The following BLK variants were observed in gnomAD, a reference collection of about 807,000 sequenced individuals.
BLK encodes tyrosine-protein kinase Blk.
Under a neutral mutation model 61.8 loss-of-function variants are expected in BLK, and 64 were observed. The ratio of observed to expected loss-of-function variants is 1.03; its 90% CI spans 0.85 to 1.27. The LOEUF (loss-of-function observed/expected upper bound fraction) is 1.27, where lower values mean the gene tolerates loss of function less well. Among genes scored for constraint, BLK ranks in the 50% most tolerant of loss-of-function variants. BLK has a pLI of 0.00. For synonymous variants in BLK, 351 were observed against 272.0 expected (o/e 1.29, Z -2.86); for missense variants, 853 against 660.5 (o/e 1.29, Z -3.19).
At chr8:11,544,810 TA>T (rs1800549616) in intron 2 of BLK, among the ~76,000 whole-genome samples, 1 of 152,206 alleles carries the variant, frequency 6.6e-6, no homozygotes, top group South Asian at 2.1e-4. Flanking sequence ...TTGTGTTCAA[TA>T]AATATGGAAT....
rs754196779 is a variant in BLK, at chr8:11,555,344, G to C, written c.632G>C (p.Gly211Ala). The C allele has an allele frequency of 5.6e-6, 9 of 1,613,982 alleles. No homozygotes were observed. The highest frequency in any genetic ancestry group is 1.3e-5 in the African/African-American group (1 of 74,888). The stretch of plus-strand genomic sequence containing the variant: ...TTCCCTAATGCAGAGAAGGGGGATG[G>C]TCTATGCCAGAGGCTGACCCTGCCC... ...LVQHYSKKGD[G>A]LCQRLTLPCV... Residue 211 changes from glycine to alanine, a missense_variant, in exon 8 of 13, where the codon GGT becomes GCT. Transcript: ENST00000259089.
At chr8:11,558,127 A>G in intron 10 of BLK, 89 bp downstream of exon 10, 1 of 1,323,394 alleles carries the variant, frequency 7.6e-7, no homozygotes, top group African/African-American at 1.4e-5. Flanking sequence ...CCATCCTCTC[A>G]GCCAGCAGGA....
At chr8:11,507,977 T>C (rs2117272386) in intron 1 of BLK, among the ~76,000 whole-genome samples, 1 of 152,256 alleles carries the variant, frequency 6.6e-6, no homozygotes, top group South Asian at 2.1e-4. Context: ...GGTGGCTCTG[T>C]GTGGCACATC....
chr8:11,552,313 T>C (rs1800940976), intron 6 of BLK, among the ~76,000 whole-genome samples: 1 of 152,222 alleles, frequency 6.6e-6, no homozygotes. Context: ...AAGGGTGCAT[T>C]GGAAAGCTGG....
intron 10 of BLK, chr8:11,558,688 A>C (rs1801342968): frequency 2.2e-6 from 1 of 456,134 alleles, no homozygotes; most frequent in South Asian, 1.5e-5. Flanking sequence ...GGTGAAGAGC[A>C]GAGTGGAGAG....
chr8:11,518,618 G>C (rs1163369073), intron 1 of BLK, among the ~76,000 whole-genome samples: 1 of 152,032 alleles, frequency 6.6e-6, no homozygotes, highest in Admixed American at 6.6e-5. Flanking sequence ...CTCCCATCTA[G>C]TGTCCTGCTT....
intron 1 of BLK, among the ~76,000 whole-genome samples, chr8:11,534,336 A>G (rs1800021752): frequency 1.3e-5 from 2 of 152,242 alleles, no homozygotes; most frequent in Non-Finnish European, 2.9e-5. Flanking sequence ...ATTTTGGCAT[A>G]TTGCTAACAT....
In BLK at chr8:11,564,422, C is replaced by T. The variant is rs1432349155; in HGVS notation, c.*314C>T. On this transcript the variant is annotated 3_prime_UTR_variant, in exon 13 of 13. Transcript: ENST00000259089. The stretch of plus-strand genomic sequence containing the variant: ...GTAAGCGACTGTCATCAAGTAAGGC[C>T]CCCGTGCTGGGCACCCCCCGTGCTG... 1 of 600,456 alleles carries T rather than the reference C, an allele frequency of 1.7e-6. No individual in the cohort carries two copies. The highest frequency in any genetic ancestry group is 2.1e-5 in the Admixed American group (1 of 46,594). The allele number at this position is 600,456 out of a possible 1,614,324, so 37.2% of individuals were successfully genotyped here. A position where few individuals can be genotyped will look rare whatever the true frequency, so the allele number is the denominator to read the frequency against.
intron 10 of BLK, chr8:11,560,489 T>TAGA: frequency 8.1e-6 from 2 of 247,836 alleles, no homozygotes; most frequent in South Asian, 5.1e-5. Context: ...TAGTGCTGGC[T>TAGA]TCTTGAAGTC....
rs1373766684 is a variant in BLK, at chr8:11,564,328, T to C, written c.*220T>C. ...CGGCCTCTCTGTGCCGCTTCATTTGTAGAGGGCTGTAACAGTGACCTCGCA... is the reference window on the plus strand; with the variant it reads ...CGGCCTCTCTGTGCCGCTTCATTTGCAGAGGGCTGTAACAGTGACCTCGCA... On this transcript the variant is annotated 3_prime_UTR_variant, in exon 13 of 13. Coordinates refer to ENST00000259089, the MANE Select transcript of BLK (RefSeq NM_001715.3). 3 of 707,250 alleles carry C rather than the reference T, an allele frequency of 4.2e-6. No homozygotes were observed. The highest frequency in any genetic ancestry group is 5.4e-5 in the East Asian group (2 of 37,090). The allele number at this position is 707,250 out of a possible 1,614,324, so 43.8% of individuals were successfully genotyped here.
chr8:11,543,273 G>A lies in BLK; in HGVS notation c.49G>A (p.Glu17Lys). The stretch of plus-strand genomic sequence containing the variant: ...GCCGGACAAGGAAAAGCCGATCAAA[G>A]AGAAGGACAAGGGCCAATGGAGCCC... ...KKPDKEKPIK[E>K]KDKGQWSPLK... The change falls in exon 2 of 13, where the codon GAG (glutamate) becomes AAG (lysine). Residue 17 changes from glutamate to lysine, a missense_variant. By Grantham distance (56) the Glu-to-Lys change is moderately conservative (BLOSUM62 1). Coordinates refer to ENST00000259089, the MANE Select transcript of BLK (RefSeq NM_001715.3). The A allele has an allele frequency of 6.2e-7, 1 of 1,614,042 alleles. No individual in the cohort carries two copies. Among genetic ancestry groups the A allele is most frequent in the Non-Finnish European group, 8.5e-7 (1 of 1,180,022 alleles).
intron 1 of BLK, among the ~76,000 whole-genome samples, chr8:11,540,981 T>C (rs997417134): frequency 6.6e-6 from 1 of 152,030 alleles, no homozygotes; most frequent in Non-Finnish European, 1.5e-5. Flanking sequence ...TATTAGCAAA[T>C]AGGGCCGAGT....
intron 1 of BLK, among the ~76,000 whole-genome samples, chr8:11,541,616 G>A (rs550238351): frequency 9.2e-5 from 14 of 151,840 alleles, no homozygotes; most frequent in South Asian, 2.1e-4. Flanking sequence ...TTTTGCCTCA[G>A]CCTCCTGAGT....
intron 1 of BLK, among the ~76,000 whole-genome samples, chr8:11,516,021 T>C (rs1296355671): frequency 6.6e-6 from 1 of 152,242 alleles, no homozygotes; most frequent in Non-Finnish European, 1.5e-5. Flanking sequence ...CAAAAGTTCA[T>C]GCCCAGATGA....
intron 1 of BLK, among the ~76,000 whole-genome samples, chr8:11,534,452 T>G (rs1023622847): frequency 6.6e-6 from 1 of 152,138 alleles, no homozygotes; most frequent in Admixed American, 6.5e-5. Flanking sequence ...GTCCCCAGAA[T>G]TACCTAATGA....
At chr8:11,530,182 A>G (rs368602691) in intron 1 of BLK, among the ~76,000 whole-genome samples, 11 of 152,258 alleles carry the variant, frequency 7.2e-5, no homozygotes, top group African/African-American at 2.2e-4. Flanking sequence ...AATTTTTTTC[A>G]TAAGGAATCT....
intron 6 of BLK, among the ~76,000 whole-genome samples, chr8:11,550,768 T>C (rs1208597913): frequency 6.6e-6 from 1 of 152,256 alleles, no homozygotes; most frequent in Non-Finnish European, 1.5e-5. Context: ...ATCCACTGAC[T>C]GAGCAAAACA....
Position 11,556,801 on chromosome 8 carries a change from G to C in BLK, c.916G>C (p.Glu306Gln), listed in dbSNP as rs906846809. Residue 306 changes from glutamate to glutamine, a missense_variant, in exon 9 of 13, where the codon GAG becomes CAG. Coordinates refer to ENST00000259089, the MANE Select transcript of BLK (RefSeq NM_001715.3). Reference sequence around the variant, plus strand: ...CCGACTCTACGCAGTGGTCACCAAGGAGCCCATCTACATTGTCACCGAGTA... The same window carrying C: ...CCGACTCTACGCAGTGGTCACCAAGCAGCCCATCTACATTGTCACCGAGTA... ...LVRLYAVVTK[E>Q]PIYIVTEYMA... 3 of 1,614,068 alleles carry C rather than the reference G, an allele frequency of 1.9e-6. No individual in the cohort carries two copies. The highest frequency in any genetic ancestry group is 1.7e-5 in the Admixed American group (1 of 60,008).
intron 1 of BLK, among the ~76,000 whole-genome samples, chr8:11,539,397 C>T (rs569720418): frequency 4.6e-5 from 7 of 151,852 alleles, no homozygotes; most frequent in African/African-American, 1.7e-4. Context: ...ATTTATTCAA[C>T]AAGTCTTCAA....
Sources: allele counts gnomAD v4.1 joint callset (sites outside exome capture counted in the v4.1 genomes callset), GRCh38; gene constraint gnomAD v4.1.1; transcripts MANE v1.5; gene names NCBI Gene and HGNC (gene_info 2026-07-23, HGNC 2026-07-21).